The following CPSF3 variants were observed in gnomAD, a reference collection of about 807,000 sequenced individuals.
CPSF3 encodes cleavage and polyadenylation specific factor 3.
In CPSF3, 57 loss-of-function variants were observed where a neutral mutation model predicts 84.1. That is an observed-to-expected ratio of 0.68 (90% CI 0.55 to 0.85). The LOEUF (loss-of-function observed/expected upper bound fraction) is 0.85. Ranked by LOEUF, CPSF3 falls within the 40% of genes least tolerant of loss-of-function variation. The pLI, the probability that CPSF3 is intolerant of heterozygous loss-of-function variation, is 0.00. For missense variants in CPSF3, 522 were observed against 838.8 expected (o/e 0.62, Z 4.66); for synonymous variants, 275 against 278.1 (o/e 0.99, Z 0.11).
intron 1 of CPSF3, 107 bp downstream of exon 1, chr2:9,423,930 C>T: frequency 6.6e-7 from 1 of 1,514,904 alleles, no homozygotes; most frequent in Non-Finnish European, 8.8e-7. Flanking sequence ...ACCCCGGCAG[C>T]CTGCCTTTGG....
chr2:9,437,223 G>T (rs976582280), intron 7 of CPSF3, among the ~76,000 whole-genome samples: 3 of 152,120 alleles, frequency 2.0e-5, no homozygotes, highest in African/African-American at 7.2e-5. Context: ...GGCCATCATG[G>T]TGAAACCTCG....
chr2:9,464,443 ATTG>A (rs1481328033), intron 15 of CPSF3, among the ~76,000 whole-genome samples: 3 of 152,098 alleles, frequency 2.0e-5, no homozygotes, highest in South Asian at 2.1e-4. Flanking sequence ...ATTTTGTGAG[ATTG>A]TTTTTACATG....
intron 15 of CPSF3, among the ~76,000 whole-genome samples, chr2:9,465,410 CT>C (rs1253777293): frequency 2.6e-5 from 4 of 152,086 alleles, no homozygotes; most frequent in Middle Eastern, 3.4e-3. Flanking sequence ...CACCACCGCA[CT>C]CCAGCCTGGG....
intron 1 of CPSF3, 50 bp downstream of exon 1, chr2:9,423,873 GAGGGGTAACCGGAGA>G (rs1397953412): frequency 1.2e-5 from 19 of 1,604,926 alleles, no homozygotes; most frequent in Non-Finnish European, 1.6e-5. Context: ...TGAGGGGCGC[GAGGGGTAACCGGAGA>G]CTGGCCTCCT....
chr2:9,446,243 G>A (rs1432565242), intron 10 of CPSF3, among the ~76,000 whole-genome samples: 1 of 152,138 alleles, frequency 6.6e-6, no homozygotes, highest in East Asian at 1.9e-4. Flanking sequence ...CCAGGAGTTC[G>A]AGACCAGCCT....
At chr2:9,435,318 C>G (rs551159270) in intron 6 of CPSF3, among the ~76,000 whole-genome samples, 2 of 152,232 alleles carry the variant, frequency 1.3e-5, no homozygotes, top group Admixed American at 1.3e-4. Flanking sequence ...GGAGAAATAA[C>G]CTTTTTCTTC....
At chr2:9,466,354 ACACACACACGCACACACC>A (rs1681966567) in intron 15 of CPSF3, among the ~76,000 whole-genome samples, 2 of 139,836 alleles carry the variant, frequency 1.4e-5, no homozygotes, top group South Asian at 4.7e-4. Flanking sequence ...GCGCGCGCGC[ACACACACACGCACACACC>A]CACGCACTCG....
At chr2:9,461,341 C>T (rs908028971) in intron 15 of CPSF3, among the ~76,000 whole-genome samples, 8 of 152,124 alleles carry the variant, frequency 5.3e-5, no homozygotes, top group Non-Finnish European at 1.0e-4. Context: ...GGGGTAGAAA[C>T]ATATTGACAG....
At chr2:9,448,086 G>A (rs772510463) in intron 10 of CPSF3, 112 bp from the exon 11 acceptor site, 3 of 560,624 alleles carry the variant, frequency 5.4e-6, no homozygotes, top group Non-Finnish European at 8.7e-6. Flanking sequence ...TAACTTCCAA[G>A]TATGTCTCTA....
At chr2:9,457,550 G>T (rs1295390529) in intron 14 of CPSF3, among the ~76,000 whole-genome samples, 1 of 152,058 alleles carries the variant, frequency 6.6e-6, no homozygotes, top group Non-Finnish European at 1.5e-5. Context: ...ACTCCACCTT[G>T]TGGAGTTTGG....
chr2:9,424,184 C>T (rs1393813562), intron 1 of CPSF3: 1 of 1,033,256 alleles, frequency 9.7e-7, no homozygotes, highest in East Asian at 8.8e-5. Flanking sequence ...GCCGGTGAAG[C>T]TTATGACCGA....
At chr2:9,432,724 A>T in intron 5 of CPSF3, 36 bp downstream of exon 5, 1 of 1,475,920 alleles carries the variant, frequency 6.8e-7, no homozygotes, top group Non-Finnish European at 9.1e-7. Context: ...TCCCCAGAGA[A>T]ATCAGTACAG....
intron 17 of CPSF3, among the ~76,000 whole-genome samples, chr2:9,472,174 C>T (rs921711861): frequency 4.6e-4 from 69 of 151,268 alleles, no homozygotes; most frequent in African/African-American, 1.7e-3. Context: ...ATTACCCAGG[C>T]GTGGTGGTGT....
intron 16 of CPSF3, 92 bp downstream of exon 16, chr2:9,467,868 G>C: frequency 2.0e-6 from 2 of 1,017,402 alleles, no homozygotes; most frequent in South Asian, 1.3e-5. Flanking sequence ...GGACTGGGGC[G>C]TGGCTCTGGC....
At position 9,437,836 on chromosome 2, in the gene CPSF3, A is replaced by G. The variant is rs116734004; in HGVS notation, c.760+1475A>G. ...GGCAACAAGGCAAGACCCTGTCTCT[A>G]CAAAAAATACAAAGAATTAGCTGGA... On this transcript the variant is annotated intron_variant, in intron 7 of 17. Coordinates refer to ENST00000238112, the MANE Select transcript of CPSF3 (RefSeq NM_016207.4). 7.8e-3 allele frequency among the ~76,000 whole-genome samples: 1,195 copies of G among 152,314 alleles called. 7 individuals carry two copies. Among genetic ancestry groups the G allele is most frequent in the Middle Eastern group, 0.037 (11 of 294 alleles).
rs762717910 is a variant in CPSF3 at position 9,428,802 on chromosome 2, C to G, written c.88C>G (p.Leu30Val). The change falls in exon 2 of 18, where the codon CTC becomes GTC. Residue 30 changes from leucine (L) to valine (V), a missense_variant. Around this residue, in one of 2 missense-constraint regions of CPSF3, gnomAD observed 329 missense variants for 607.2 expected, o/e 0.54. Transcript: ENST00000238112. ...AGAAGTAGGAAGATCATGTATTATT[C>G]TCGAGTTCAAAGGAAGAAAAATAAT... is the stretch of plus-strand genomic sequence containing the variant. ...GQEVGRSCII[L>V]EFKGRKIMLD... 1.2e-6 allele frequency: 2 copies of G among 1,602,776 alleles called. No homozygotes were observed. The highest frequency in any genetic ancestry group is 1.7e-6 in the Non-Finnish European group (2 of 1,169,948).
chr2:9,470,534 G>C (rs549147045), intron 16 of CPSF3, among the ~76,000 whole-genome samples: 5 of 152,350 alleles, frequency 3.3e-5, no homozygotes, highest in African/African-American at 9.6e-5. Flanking sequence ...CTCGATGACA[G>C]AGGCAATGTC....
At chr2:9,442,242 G>A (rs948300133) in intron 9 of CPSF3, among the ~76,000 whole-genome samples, 34 of 152,120 alleles carry the variant, frequency 2.2e-4, no homozygotes, top group African/African-American at 8.2e-4. Flanking sequence ...GAATGGACAG[G>A]AACCTGTTTG....
chr2:9,450,634 G>T (rs911190224), intron 11 of CPSF3, among the ~76,000 whole-genome samples: 2 of 151,980 alleles, frequency 1.3e-5, no homozygotes, highest in African/African-American at 4.8e-5. Context: ...CTAAAGATAC[G>T]AAAATTAGCC....
Sources: gnomAD v4.1 joint callset for allele counts (sites outside exome capture counted in the v4.1 genomes callset) on GRCh38, gnomAD v4.1.1 for gene constraint, gnomAD v4.1.1 regional missense constraint, MANE v1.5 for transcripts, NCBI Gene and HGNC (gene_info 2026-07-23, HGNC 2026-07-21) for gene names.